GJC1: variants seen among roughly 807,000 people sequenced by gnomAD.
The protein encoded by GJC1 is gap junction protein gamma 1.
GJC1 carries 5 observed loss-of-function variants against 29.3 expected under a neutral mutation model. The ratio of observed to expected loss-of-function variants is 0.17; its 90% confidence interval spans 0.09 to 0.36. GJC1 has a LOEUF of 0.36. Ranked by LOEUF, GJC1 falls within the 10% of genes least tolerant of loss-of-function variation. The pLI is 1.00. For synonymous variants in GJC1, 177 were observed against 183.3 expected (o/e 0.97, Z 0.28); for missense variants, 310 against 496.2 (o/e 0.62, Z 3.56).
intron 1 of GJC1, among the ~76,000 whole-genome samples, chr17:44,814,944 G>C (rs571627987): frequency 5.1e-4 from 71 of 140,050 alleles, no homozygotes; most frequent in Admixed American, 9.3e-4. Context: ...TCAGTCTTAG[G>C]AAAAAAAAAA....
At chr17:44,815,682 T>C (rs1395606005) in intron 1 of GJC1, among the ~76,000 whole-genome samples, 1 of 152,174 alleles carries the variant, frequency 6.6e-6, no homozygotes, top group East Asian at 1.9e-4. Flanking sequence ...CTTTTACCTA[T>C]TTGTCTATAA....
intron 1 of GJC1, among the ~76,000 whole-genome samples, chr17:44,828,032 A>G (rs2050194660): frequency 1.3e-5 from 2 of 152,210 alleles, no homozygotes; most frequent in South Asian, 4.1e-4. Flanking sequence ...GATTTAAATT[A>G]TATATCCTGT....
intron 1 of GJC1, among the ~76,000 whole-genome samples, chr17:44,829,362 A>T (rs1207500505): frequency 6.6e-6 from 1 of 152,182 alleles, no homozygotes; most frequent in Admixed American, 6.6e-5. Flanking sequence ...TTGAAGCTAG[A>T]GACTTAAGGA....
At position 44,800,344 on chromosome 17, in the gene GJC1, G is replaced by A. The variant is rs917296843; in HGVS notation, c.*4283C>T. The A allele has an allele frequency of 6.6e-6, 1 of 152,152 alleles. No homozygotes were observed. Among genetic ancestry groups the A allele is most frequent in the African/African-American group, 2.4e-5 (1 of 41,420 alleles). 9.4% of individuals were successfully genotyped at this position (152,152 alleles called of 1,614,324 possible). A position where few individuals can be genotyped will look rare whatever the true frequency, so the allele number is the denominator to read the frequency against. ...AGGCTGGTCTCAAACTCCTGACCTT[G>A]TGATTCGCCCACCTTGGCCTCCCAA... is the stretch of plus-strand genomic sequence containing the variant. On this transcript the variant is annotated 3_prime_UTR_variant, in exon 3 of 3. Coordinates refer to ENST00000592524, the MANE Select transcript of GJC1 (RefSeq NM_005497.4).
rs1300815875 is a variant in GJC1, at chr17:44,804,439, G to A, written c.*188C>T. On this transcript the variant is annotated 3_prime_UTR_variant, in exon 3 of 3. Coordinates refer to ENST00000592524, the MANE Select transcript of GJC1 (RefSeq NM_005497.4). ...GTATTATTGCTAAGAACATGTGCCT[G>A]GGAACACTGTGTTTCCCTTTCTCTC... is the stretch of plus-strand genomic sequence containing the variant. The A allele has an allele frequency of 3.5e-6, 2 of 574,316 alleles. No individual in the cohort carries two copies. The highest frequency in any genetic ancestry group is 1.9e-5 in the African/African-American group (1 of 53,516). 35.6% of individuals were successfully genotyped at this position (574,316 alleles called of 1,614,324 possible).
chr17:44,811,462 T>G (rs2049981023), intron 1 of GJC1, among the ~76,000 whole-genome samples: 1 of 149,978 alleles, frequency 6.7e-6, no homozygotes, highest in South Asian at 2.1e-4. Context: ...CTGGGCTCAC[T>G]GTAGCCTCAG....
rs368215594 is a variant in GJC1 at position 44,816,757 on chromosome 17, G to A, written c.-96-9288C>T. On this transcript the variant is annotated intron_variant, in intron 1 of 2. Transcript: ENST00000592524. Reference sequence around the variant, plus strand: ...CTGACTTAACTGATCCCTCTGCCTCGGCCTCCCAACGTGCTGGGATTACAG... The same window carrying A: ...CTGACTTAACTGATCCCTCTGCCTCAGCCTCCCAACGTGCTGGGATTACAG... 1.8e-4 allele frequency among the ~76,000 whole-genome samples: 27 copies of A among 151,852 alleles called. 1 individual carries two copies. The East Asian group carries it at 3.5e-3, about 20-fold the overall frequency.
intron 1 of GJC1, among the ~76,000 whole-genome samples, chr17:44,813,958 T>C (rs185381461): frequency 1.3e-5 from 2 of 152,222 alleles, no homozygotes; most frequent in South Asian, 2.1e-4. Context: ...GCATTAAGGA[T>C]TGGCTTACAA....
At chr17:44,809,999 C>T (rs1004057285) in intron 1 of GJC1, among the ~76,000 whole-genome samples, 1 of 152,100 alleles carries the variant, frequency 6.6e-6, no homozygotes, top group South Asian at 2.1e-4. Context: ...GCTGGGACAA[C>T]AGGCACCTGC....
intron 1 of GJC1, among the ~76,000 whole-genome samples, chr17:44,809,719 C>A (rs2049952357): frequency 6.7e-6 from 1 of 148,566 alleles, no homozygotes. Flanking sequence ...TACAGGTATG[C>A]ACCACCACGC....
At chr17:44,826,376 A>G (rs2050177068) in intron 1 of GJC1, among the ~76,000 whole-genome samples, 1 of 152,096 alleles carries the variant, frequency 6.6e-6, no homozygotes, top group African/African-American at 2.4e-5. Flanking sequence ...TAAAAATACA[A>G]AAAATTAGCC....
chr17:44,816,579 G>A (rs1012496520), intron 1 of GJC1, among the ~76,000 whole-genome samples: 1 of 152,134 alleles, frequency 6.6e-6, no homozygotes, highest in Non-Finnish European at 1.5e-5. Context: ...TCAGCTCACT[G>A]CAACCTCTGC....
rs529439261 is a variant in GJC1 at position 44,825,752 on chromosome 17, G to A, written c.-97+4310C>T. Among the ~76,000 whole-genome samples the A allele has an allele frequency of 9.9e-5, 15 of 151,064 alleles. No individual in the cohort carries two copies. In the East Asian group the frequency reaches 3.0e-3, roughly 30 times the overall value. On this transcript the variant is annotated intron_variant, in intron 1 of 2. Coordinates refer to ENST00000592524, the MANE Select transcript of GJC1 (RefSeq NM_005497.4). ...ATCGTGCCACTGCACTCCACCCTGG[G>A]TGAAAGAGTGAGACTCAGTCTCAAA...
At chr17:44,830,305 T>G (rs2050219591), upstream of GJC1, 1 of 151,082 alleles carries the variant, frequency 6.6e-6, no homozygotes, top group African/African-American at 2.4e-5. The surrounding 1 kb of genome is among the most constrained non-coding windows in gnomAD (Gnocchi z 4.3). Context: ...CACTGCGCGC[T>G]GCGGTGGGGG....
At position 44,803,236 on chromosome 17, in the gene GJC1, G is replaced by A. The variant is rs2145295378; in HGVS notation, c.*1391C>T. On this transcript the variant is annotated 3_prime_UTR_variant, in exon 3 of 3. Coordinates refer to ENST00000592524, the MANE Select transcript of GJC1 (RefSeq NM_005497.4). ...ACGCCCAAATAAAATGCTCCCTGGTGGAACAAAGTCCCCTTTAAACCTTTA... is the reference window on the plus strand; with the variant it reads ...ACGCCCAAATAAAATGCTCCCTGGTAGAACAAAGTCCCCTTTAAACCTTTA... 6.6e-6 allele frequency: 1 copy of A among 152,212 alleles called. No individual in the cohort carries two copies. Among genetic ancestry groups the A allele is most frequent in the South Asian group, 2.1e-4 (1 of 4,824 alleles). The allele number at this position is 152,212 out of a possible 1,614,324, so 9.4% of individuals were successfully genotyped here. A position where few individuals can be genotyped will look rare whatever the true frequency, so the allele number is the denominator to read the frequency against.
At chr17:44,796,505 CCTT>C (rs1489711900), downstream of GJC1, among the ~76,000 whole-genome samples, 1 of 152,164 alleles carries the variant, frequency 6.6e-6, no homozygotes, top group South Asian at 2.1e-4. Flanking sequence ...CAGGTCTAAA[CCTT>C]CTTGAACAGA....
chr17:44,797,118 T>A (rs1293178612), downstream of GJC1, among the ~76,000 whole-genome samples: 4 of 152,130 alleles, frequency 2.6e-5, 1 homozygote, highest in African/African-American at 4.8e-5. Context: ...AATTATTATT[T>A]TTTTTGAGAC....
chr17:44,810,557 T>C lies in GJC1; in HGVS notation c.-96-3088A>G, dbSNP rs139806594. Among the ~76,000 whole-genome samples the C allele has an allele frequency of 2.9e-4, 44 of 152,232 alleles. No homozygotes were observed. The East Asian group carries it at 7.5e-3, about 26-fold the overall frequency. ...GAGTATGGGTACTCTATACCCACAC[T>C]CTGAAGTCTTCGGAATGAGTATCGC... On this transcript the variant is annotated intron_variant, in intron 1 of 2. Transcript: ENST00000592524.
chr17:44,800,053 A>G lies in GJC1; in HGVS notation c.*4574T>C, dbSNP rs2049824015. On this transcript the variant is annotated 3_prime_UTR_variant, in exon 3 of 3. Transcript: ENST00000592524. Reference sequence around the variant, plus strand: ...TTTGATGGTGACTGTGAATTATTACATATTTATTACACATAAATGAGTTTA... The same window carrying G: ...TTTGATGGTGACTGTGAATTATTACGTATTTATTACACATAAATGAGTTTA... 1 of 152,348 alleles carries G rather than the reference A, an allele frequency of 6.6e-6. No homozygotes were observed. 9.4% of individuals were successfully genotyped at this position (152,348 alleles called of 1,614,324 possible).
Sources: gnomAD v4.1 joint callset for allele counts (sites outside exome capture counted in the v4.1 genomes callset) on GRCh38, gnomAD v4.1.1 for gene constraint, Gnocchi (gnomAD v3.1) non-coding constraint, MANE v1.5 for transcripts, NCBI Gene and HGNC (gene_info 2026-07-23, HGNC 2026-07-21) for gene names.